The following METTL27 variants were observed in gnomAD, a reference collection of about 807,000 sequenced individuals.
The protein encoded by METTL27 is methyltransferase-like protein 27.
METTL27 carries 29 observed loss-of-function variants against 24.5 expected under a neutral mutation model. That is an observed-to-expected ratio of 1.18 (90% confidence interval 0.88 to 1.61). METTL27 has a LOEUF of 1.61. METTL27 is among the 40% of genes most tolerant of loss of function. The pLI is 0.00. For missense variants in METTL27, 341 were observed against 324.3 expected (o/e 1.05, Z -0.40); for synonymous variants, 138 against 146.8 (o/e 0.94, Z 0.43).
In METTL27 at chr7:73,840,137, G is replaced by T. The variant is rs782070639; in HGVS notation, c.389-17C>A. Reference sequence around the variant, plus strand: ...CGAAGGTCCCTGTGTGTGTGTGGGGGGGGGTGGGGACATGGTGTGATGCTT... The same window carrying T: ...CGAAGGTCCCTGTGTGTGTGTGGGGTGGGGTGGGGACATGGTGTGATGCTT... On this transcript the variant is annotated splice_polypyrimidine_tract_variant and intron_variant, in intron 4 of 5. Coordinates refer to ENST00000297873, the MANE Select transcript of METTL27 (RefSeq NM_152559.3). 31 of 1,470,598 alleles carry T rather than the reference G, an allele frequency of 2.1e-5. 1 individual carries two copies. The highest frequency in any genetic ancestry group is 4.3e-5 in the African/African-American group (3 of 70,268). The allele number at this position is 1,470,598 out of a possible 1,614,324, so 91.1% of individuals were successfully genotyped here.
rs1189071533 is a variant in METTL27 at position 73,836,850 on chromosome 7, G to A, written c.479-1848C>T. On this transcript the variant is annotated intron_variant, in intron 5 of 5. Transcript: ENST00000297873. ...CTTTGTGGAATAGAAAGGCAGGAAA[G>A]GTGGGGAAAAGATTGAGAAATCGGA... Among the ~76,000 whole-genome samples the A allele has an allele frequency of 6.0e-5, 6 of 99,500 alleles. 2 individuals carry two copies. Among genetic ancestry groups the A allele is most frequent in the African/African-American group, 2.0e-4 (6 of 29,386 alleles). The allele number at this position is 99,500 out of a possible 152,430, so 65.3% of individuals were successfully genotyped here.
intron 1 of METTL27, 134 bp from the exon 2 acceptor site, chr7:73,842,278 C>G: frequency 7.2e-7 from 1 of 1,379,750 alleles, no homozygotes; most frequent in Admixed American, 2.7e-5. Flanking sequence ...GCCCCTATCC[C>G]AGATGGGGAC....
chr7:73,841,970 GA>G (rs1554636521), intron 2 of METTL27, 47 bp downstream of exon 2: 1 of 1,613,394 alleles, frequency 6.2e-7, no homozygotes, highest in African/African-American at 1.3e-5. Flanking sequence ...TTTACAGGTA[GA>G]AAAATGGAGG....
chr7:73,836,549 CCCGG>C (rs1554635318), intron 5 of METTL27, among the ~76,000 whole-genome samples: 1 of 19,616 alleles, frequency 5.1e-5, no homozygotes, highest in Admixed American at 4.2e-4. Context: ...CAGCCCCCTG[CCCGG>C]CCAGCCCCCC....
chr7:73,835,941 C>T (rs1342612221), intron 5 of METTL27, among the ~76,000 whole-genome samples: 12 of 151,286 alleles, frequency 7.9e-5, no homozygotes, highest in Admixed American at 3.3e-4. Flanking sequence ...TCTGCCCGGC[C>T]GCCCCGTCTG....
rs1554635361 is a variant in METTL27, at chr7:73,836,748, C to T, written c.479-1746G>A. ...CCGCCCCTACTGGGAACTGAGGAGCCCCTCTGCCCGGCCACCACCCCGTCT... is the reference window on the plus strand; with the variant it reads ...CCGCCCCTACTGGGAACTGAGGAGCTCCTCTGCCCGGCCACCACCCCGTCT... On this transcript the variant is annotated intron_variant, in intron 5 of 5. Transcript: ENST00000297873. Among the ~76,000 whole-genome samples the T allele has an allele frequency of 8.8e-5, 7 of 79,852 alleles. 2 individuals carry two copies. Among genetic ancestry groups the T allele is most frequent in the Non-Finnish European group, 3.4e-5 (1 of 29,394 alleles). 52.4% of individuals were successfully genotyped at this position (79,852 alleles called of 152,430 possible).
In METTL27 at chr7:73,842,059, T is replaced by C. The variant is rs1554636568; in HGVS notation, c.82A>G (p.Lys28Glu). Residue 28 changes from lysine (K) to glutamate (E), a missense_variant, in exon 2 of 6, where the codon AAG (lysine) becomes GAG (glutamate). Physicochemically the swap from Lys to Glu is moderately conservative, Grantham distance 56. Coordinates refer to ENST00000297873, the MANE Select transcript of METTL27 (RefSeq NM_152559.3). The stretch of plus-strand genomic sequence containing the variant: ...GCCCAGCGGTCATAGAAATGGAGCT[T>C]TTGGGCCAGGTCGGGGATGCCATGC... ...AAHGIPDLAQ[K>E]LHFYDRWAPD... is the part of the protein sequence containing the mutation. 1.9e-6 allele frequency: 3 copies of C among 1,613,904 alleles called. No individual in the cohort carries two copies. Among genetic ancestry groups the C allele is most frequent in the South Asian group, 1.1e-5 (1 of 91,092 alleles).
rs1584334269 is a variant in METTL27, at chr7:73,835,210, C to T, written c.479-208G>A. Reference sequence around the variant, plus strand: ...CCCTCCTCTCCCTCTCCCTCTCCCTCTCCCTCTCCCTCTCCCCACGGTCTC... The same window carrying T: ...CCCTCCTCTCCCTCTCCCTCTCCCTTTCCCTCTCCCTCTCCCCACGGTCTC... On this transcript the variant is annotated intron_variant, in intron 5 of 5. Coordinates refer to ENST00000297873, the MANE Select transcript of METTL27 (RefSeq NM_152559.3). The T allele has an allele frequency of 1.4e-5, 6 of 415,860 alleles. No homozygotes were observed. In the East Asian group the frequency reaches 3.0e-4, roughly 21 times the overall value. 25.8% of individuals were successfully genotyped at this position (415,860 alleles called of 1,614,324 possible).
At chr7:73,841,307 A>G in intron 2 of METTL27, 109 bp from the exon 3 acceptor site, 1 of 1,455,246 alleles carries the variant, frequency 6.9e-7, no homozygotes, top group Non-Finnish European at 9.0e-7. Context: ...GTTGGGGATC[A>G]AGCCTGGCTG....
chr7:73,836,502 C>T (rs1329949235), intron 5 of METTL27, among the ~76,000 whole-genome samples: 3 of 125,798 alleles, frequency 2.4e-5, no homozygotes, highest in Non-Finnish European at 5.1e-5. Context: ...CCCCTCTGCC[C>T]GGCCAGCCGC....
rs782036101 is a variant in METTL27 at position 73,840,513 on chromosome 7, C to G, written c.289G>C (p.Asp97His). ...APGFLQLHGV[D>H]GSPGMLEQAQ... is the part of the protein sequence containing the mutation. The stretch of plus-strand genomic sequence containing the variant: ...TGTTCCAGCATCCCTGGGCTCCCAT[C>G]CACCCCATGCAGCTGGAGGAAGCCT... The change falls in exon 4 of 6, where the codon GAT becomes CAT. Residue 97 changes from aspartate (D) to histidine (H), a missense_variant. Physicochemically the swap from Asp to His is moderately conservative, Grantham distance 81. Transcript: ENST00000297873. The G allele has an allele frequency of 2.8e-5, 45 of 1,609,558 alleles. No individual in the cohort carries two copies. The South Asian group carries it at 4.6e-4, about 17-fold the overall frequency.
rs1554634734 is a variant in METTL27 at position 73,834,859 on chromosome 7, C to T, written c.622G>A (p.Gly208Arg). 3 of 1,613,990 alleles carry T rather than the reference C, an allele frequency of 1.9e-6. No homozygotes were observed. The highest frequency in any genetic ancestry group is 2.7e-5 in the African/African-American group (2 of 74,946). The change falls in exon 6 of 6, where the codon GGG becomes AGG. Residue 208 changes from glycine (G) to arginine (R), a missense_variant. By Grantham distance (125) the Gly-to-Arg change is moderately radical (BLOSUM62 -2). Coordinates refer to ENST00000297873, the MANE Select transcript of METTL27 (RefSeq NM_152559.3). ...CTCCAGCTCGGAGGTAGCCAGCTCC[C>T]AGCGGTCCACAGGCGGTCCACAGGC... ...AWPVDRLWTA[G>R]SWLPPSWRWY... is the part of the protein sequence containing the mutation.
intron 1 of METTL27, 132 bp from the exon 2 acceptor site, chr7:73,842,276 C>T: frequency 7.1e-7 from 1 of 1,399,746 alleles, no homozygotes; most frequent in African/African-American, 1.4e-5. Context: ...CGGCCCCTAT[C>T]CCAGATGGGG....
At chr7:73,835,143 C>T (rs1315839844) in intron 5 of METTL27, 141 bp from the exon 6 acceptor site, 1 of 995,106 alleles carries the variant, frequency 1.0e-6, no homozygotes, top group Non-Finnish European at 1.3e-6. Flanking sequence ...CTCTCCCTCT[C>T]CCTCTCCCTC....
In METTL27 at chr7:73,840,130, TGTGG is replaced by T; in HGVS notation, c.389-14_389-11del. On this transcript the variant is annotated splice_polypyrimidine_tract_variant and intron_variant, in intron 4 of 5. Transcript: ENST00000297873. ...ACCGCGTCGAAGGTCCCTGTGTGTG[TGTGG>T]GGGGGGGTGGGGACATGGTGTGATG... is the stretch of plus-strand genomic sequence containing the variant. 2 of 1,048,060 alleles carry T rather than the reference TGTGG, an allele frequency of 1.9e-6. No homozygotes were observed. Among genetic ancestry groups the T allele is most frequent in the African/African-American group, 2.3e-5 (1 of 44,258 alleles). 64.9% of individuals were successfully genotyped at this position (1,048,060 alleles called of 1,614,324 possible).
At chr7:73,841,027 G>A (rs1788337177) in intron 3 of METTL27, 43 bp downstream of exon 3, 15 of 1,424,966 alleles carry the variant, frequency 1.1e-5, no homozygotes, top group Admixed American at 3.5e-5. Flanking sequence ...ATTTGAGGAA[G>A]TGCGGGGCTA....
rs1554636593 is a variant in METTL27, at chr7:73,842,100, G to A, written c.41C>T (p.Ala14Val). 5 of 1,613,428 alleles carry A rather than the reference G, an allele frequency of 3.1e-6. No homozygotes were observed. The African/African-American group carries it at 6.7e-5, about 22-fold the overall frequency. Reference sequence around the variant, plus strand: ...GATGCCATGCGCGGCCCTGACCCGCGCCCGCACCTCGGGCAGGCTCCCACC... The same window carrying A: ...GATGCCATGCGCGGCCCTGACCCGCACCCGCACCTCGGGCAGGCTCCCACC... The part of the protein sequence containing the change: ...EEGGSLPEVR[A>V]RVRAAHGIPD... The change falls in exon 2 of 6, where the codon GCG becomes GTG. Residue 14 changes from alanine (A) to valine (V), a missense_variant. Ala to Val is a moderately conservative substitution (Grantham distance 64, BLOSUM62 0). Transcript: ENST00000297873.
rs868921321 is a variant in METTL27 at position 73,835,937 on chromosome 7, C to T, written c.479-935G>A. On this transcript the variant is annotated intron_variant, in intron 5 of 5. Transcript: ENST00000297873. ...CTGGGAGGTGAGGAGCATCTCTGCC[C>T]GGCCGCCCCGTCTGAGAAGTGAGGA... is the stretch of plus-strand genomic sequence containing the variant. 6.8e-4 allele frequency among the ~76,000 whole-genome samples: 102 copies of T among 150,550 alleles called. No homozygotes were observed. The South Asian group carries it at 0.017, about 26-fold the overall frequency.
At chr7:73,837,305 AT>A (rs1303835185) in intron 5 of METTL27, among the ~76,000 whole-genome samples, 4,163 of 81,602 alleles carry the variant, frequency 0.051, 256 homozygotes, top group African/African-American at 0.13. Context: ...AAATAAATAA[AT>A]TTAAAAAAAA....
Sources: gnomAD v4.1 joint callset for allele counts (sites outside exome capture counted in the v4.1 genomes callset) on GRCh38, gnomAD v4.1.1 for gene constraint, MANE v1.5 for transcripts, NCBI Gene and HGNC (gene_info 2026-07-23, HGNC 2026-07-21) for gene names.